The following ZDHHC17 variants were observed in gnomAD, a reference collection of about 807,000 sequenced individuals.
The protein encoded by ZDHHC17 is palmitoyltransferase ZDHHC17.
ZDHHC17 carries 40 observed loss-of-function variants against 90.3 expected under a neutral mutation model. That is an observed-to-expected ratio of 0.44 (90% CI 0.34 to 0.58). The LOEUF is 0.58. Ranked by LOEUF, ZDHHC17 falls within the 20% of genes least tolerant of loss-of-function variation. The probability of loss-of-function intolerance (pLI) is 0.01; values close to 1 mark genes in which losing one functional copy is unlikely to be tolerated. For synonymous variants in ZDHHC17, 235 were observed against 252.4 expected (o/e 0.93, Z 0.65); for missense variants, 614 against 780.8 (o/e 0.79, Z 2.55).
At chr12:76,767,394 A>G (rs979857092) in intron 1 of ZDHHC17, among the ~76,000 whole-genome samples, 3 of 152,258 alleles carry the variant, frequency 2.0e-5, no homozygotes, top group Non-Finnish European at 4.4e-5. Flanking sequence ...ATTAGTATGC[A>G]AACTGCCCAC....
intron 1 of ZDHHC17, among the ~76,000 whole-genome samples, chr12:76,766,241 A>T (rs1380839305): frequency 1.3e-5 from 2 of 152,198 alleles, no homozygotes; most frequent in African/African-American, 4.8e-5. Context: ...TACATAATAT[A>T]TACCGTTCCT....
intron 7 of ZDHHC17, among the ~76,000 whole-genome samples, chr12:76,816,868 A>G (rs578110020): frequency 3.9e-5 from 6 of 152,154 alleles, no homozygotes; most frequent in Middle Eastern, 3.4e-3. Context: ...GTTAAAAGTA[A>G]ATTAATATTG....
chr12:76,850,693 A>G (rs556923325), intron 16 of ZDHHC17, among the ~76,000 whole-genome samples, 154 bp from the exon 17 acceptor site: 1 of 152,356 alleles, frequency 6.6e-6, no homozygotes, highest in African/African-American at 2.4e-5. Context: ...GAAGGCATAT[A>G]TATTTTATAG....
intron 10 of ZDHHC17, among the ~76,000 whole-genome samples, chr12:76,830,003 T>A (rs1002686021): frequency 6.6e-6 from 1 of 152,190 alleles, no homozygotes; most frequent in African/African-American, 2.4e-5. Context: ...AATATACTTT[T>A]TAAAACTAAT....
chr12:76,815,259 A>G (rs1345238606), intron 6 of ZDHHC17, 49 bp downstream of exon 6: 3 of 1,302,372 alleles, frequency 2.3e-6, no homozygotes, highest in Non-Finnish European at 1.1e-6. Context: ...AGCATAATAC[A>G]ATATGAAGTA....
intron 2 of ZDHHC17, among the ~76,000 whole-genome samples, chr12:76,801,553 C>CT (rs892610878): frequency 6.6e-6 from 1 of 151,996 alleles, no homozygotes; most frequent in East Asian, 2.0e-4. Flanking sequence ...ACTCGGGAGG[C>CT]TGAAGCAGGA....
intron 1 of ZDHHC17, chr12:76,764,866 C>T (rs1952413700): frequency 4.4e-6 from 2 of 455,968 alleles, no homozygotes; most frequent in African/African-American, 2.0e-5. Context: ...CTTTTTTGAG[C>T]ATTTGTCCTT....
intron 12 of ZDHHC17, chr12:76,844,296 A>T (rs1336932296): frequency 1.3e-5 from 2 of 152,160 alleles, no homozygotes; most frequent in African/African-American, 4.8e-5. Context: ...TGTAAAGAAG[A>T]TTTCCTATTA....
At position 76,815,904 on chromosome 12, in the gene ZDHHC17, T is replaced by A; in HGVS notation, c.656T>A (p.Leu219His). The A allele has an allele frequency of 6.3e-7, 1 of 1,579,162 alleles. No homozygotes were observed. Among genetic ancestry groups the A allele is most frequent in the East Asian group, 2.3e-5 (1 of 43,574 alleles). The change falls in exon 7 of 17, where the codon CTT (leucine) becomes CAT (histidine). Residue 219 changes from leucine (L) to histidine (H), a missense_variant. Coordinates refer to ENST00000426126, the MANE Select transcript of ZDHHC17 (RefSeq NM_015336.4). ...LLLTFNVSVN[L>H]GDKYHKNTAL... ...TTAACATTCAATGTTTCAGTTAACCTTGGTGACAAGTATCACAAAAACACT... is the reference window on the plus strand; with the variant it reads ...TTAACATTCAATGTTTCAGTTAACCATGGTGACAAGTATCACAAAAACACT...
chr12:76,846,482 T>G, intron 13 of ZDHHC17, 114 bp from the exon 14 acceptor site: 1 of 689,368 alleles, frequency 1.5e-6, no homozygotes, highest in Non-Finnish European at 2.5e-6. Context: ...ATAATGAATG[T>G]ATGTGTGATT....
intron 7 of ZDHHC17, among the ~76,000 whole-genome samples, chr12:76,816,479 C>T (rs368230260): frequency 2.0e-5 from 3 of 152,032 alleles, no homozygotes; most frequent in Non-Finnish European, 2.9e-5. Context: ...ACTCGTTCTG[C>T]GAAATTACTT....
intron 3 of ZDHHC17, among the ~76,000 whole-genome samples, chr12:76,805,783 G>A (rs545911346): frequency 6.6e-6 from 1 of 152,252 alleles, no homozygotes; most frequent in East Asian, 1.9e-4. Context: ...AGCTAATAAA[G>A]GTTGGAGTCA....
chr12:76,791,108 A>T (rs1234648662), intron 1 of ZDHHC17, among the ~76,000 whole-genome samples: 1 of 152,244 alleles, frequency 6.6e-6, no homozygotes, highest in East Asian at 1.9e-4. Flanking sequence ...AATTAAAAAT[A>T]AAAGCCGAGA....
intron 8 of ZDHHC17, among the ~76,000 whole-genome samples, chr12:76,825,939 C>G (rs756346018): frequency 6.6e-6 from 1 of 151,986 alleles, no homozygotes; most frequent in Non-Finnish European, 1.5e-5. Flanking sequence ...CTCAGGCTCC[C>G]GAGTAGCTGG....
chr12:76,848,683 T>C (rs928421952), intron 15 of ZDHHC17, among the ~76,000 whole-genome samples: 38 of 152,196 alleles, frequency 2.5e-4, no homozygotes, highest in African/African-American at 9.2e-4. Flanking sequence ...TTTGTGTTTT[T>C]AATGGTATTT....
chr12:76,827,827 A>G (rs1361850524), intron 9 of ZDHHC17, among the ~76,000 whole-genome samples: 1 of 152,078 alleles, frequency 6.6e-6, no homozygotes, highest in African/African-American at 2.4e-5. Context: ...TCCTGCCTAT[A>G]TGGATAGTTG....
chr12:76,796,823 G>A (rs1952824824), intron 1 of ZDHHC17, among the ~76,000 whole-genome samples: 1 of 152,214 alleles, frequency 6.6e-6, no homozygotes, highest in East Asian at 1.9e-4. Flanking sequence ...GAGAGAATGA[G>A]TTGATCTGAT....
chr12:76,798,607 A>G (rs1477328574), intron 2 of ZDHHC17, among the ~76,000 whole-genome samples: 1 of 152,220 alleles, frequency 6.6e-6, no homozygotes, highest in Non-Finnish European at 1.5e-5. Flanking sequence ...ACTGCTATAA[A>G]GAAATACCTG....
At chr12:76,800,774 G>A (rs897501223) in intron 2 of ZDHHC17, among the ~76,000 whole-genome samples, 1 of 151,632 alleles carries the variant, frequency 6.6e-6, no homozygotes, top group Non-Finnish European at 1.5e-5. Flanking sequence ...GTATAGTTGG[G>A]TCTTTTTTAC....
Sources: gnomAD v4.1 joint callset for allele counts (sites outside exome capture counted in the v4.1 genomes callset) on GRCh38, gnomAD v4.1.1 for gene constraint, MANE v1.5 for transcripts, NCBI Gene and HGNC (gene_info 2026-07-23, HGNC 2026-07-21) for gene names.